The following NADK2 variants were observed in gnomAD, a reference collection of about 807,000 sequenced individuals.
The protein encoded by NADK2 is NAD kinase 2, mitochondrial.
NADK2 carries 35 observed loss-of-function variants against 62.1 expected under a neutral mutation model. That is an observed-to-expected ratio of 0.56 (90% CI 0.43 to 0.75). The LOEUF is 0.75. Ranked by LOEUF, NADK2 falls within the 30% of genes least tolerant of loss-of-function variation. The pLI is 0.00. For synonymous variants in NADK2, 205 were observed against 207.9 expected (o/e 0.99, Z 0.12); for missense variants, 439 against 561.3 (o/e 0.78, Z 2.20).
Position 36,195,021 on chromosome 5 carries a change from A to C in NADK2, c.*123T>G, listed in dbSNP as rs1324769754. 14 of 958,854 alleles carry C rather than the reference A, an allele frequency of 1.5e-5. No homozygotes were observed. Among genetic ancestry groups the C allele is most frequent in the Non-Finnish European group, 2.0e-5 (13 of 661,274 alleles). The allele number at this position is 958,854 out of a possible 1,614,324, so 59.4% of individuals were successfully genotyped here. ...CCAACAGAAGAATAATGCAAATCTC[A>C]CTTCTGAGCCCACGGGCAAGCAGTC... On this transcript the variant is annotated 3_prime_UTR_variant, in exon 12 of 12. Coordinates refer to ENST00000381937, the MANE Select transcript of NADK2 (RefSeq NM_001085411.3).
In NADK2 at chr5:36,197,800, A is replaced by C. The variant is rs1579593734; in HGVS notation, c.1067-136T>G. 7.9e-5 allele frequency: 53 copies of C among 669,900 alleles called. No individual in the cohort carries two copies. The East Asian group carries it at 1.6e-3, about 21-fold the overall frequency. 41.5% of individuals were successfully genotyped at this position (669,900 alleles called of 1,614,324 possible). The stretch of plus-strand genomic sequence containing the variant: ...TGGGAACAAGTTTCTTGAAACTCGT[A>C]ACACATATTCCATTAAAACACAGTA... On this transcript the variant is annotated intron_variant, in intron 10 of 11. Transcript: ENST00000381937.
At chr5:36,225,832 C>A (rs1261286566) in intron 3 of NADK2, among the ~76,000 whole-genome samples, 1 of 152,196 alleles carries the variant, frequency 6.6e-6, no homozygotes, top group Non-Finnish European at 1.5e-5. Flanking sequence ...TACATTTAGG[C>A]AGAATAATTC....
At chr5:36,221,097 C>T (rs1405262887) in intron 4 of NADK2, 1 of 152,194 alleles carries the variant, frequency 6.6e-6, no homozygotes, top group African/African-American at 2.4e-5. Flanking sequence ...TAAAGGGTAC[C>T]TAAATACTAG....
chr5:36,241,134 G>T lies in NADK2; in HGVS notation c.300+365C>A, dbSNP rs1312735757. 1.3e-5 allele frequency among the ~76,000 whole-genome samples: 2 copies of T among 152,168 alleles called. No individual in the cohort carries two copies. The highest frequency in any genetic ancestry group is 2.1e-4 in the South Asian group (1 of 4,836). On this transcript the variant is annotated intron_variant, in intron 1 of 11. Transcript: ENST00000381937. This position sits in a 1 kb window ranked among gnomAD's most constrained non-coding sequence, Gnocchi z 4.9. ...GCCACTGGCTCACTTTCTTGGAGTG[G>T]GTCCCAACCAGGGAACGAGGGCGGG...
chr5:36,200,482 G>A (rs1032491240), intron 9 of NADK2, among the ~76,000 whole-genome samples: 3 of 151,622 alleles, frequency 2.0e-5, no homozygotes, highest in South Asian at 4.2e-4. Context: ...GCCCCCCCTC[G>A]CCCTTATTAG....
intron 5 of NADK2, 96 bp from the exon 6 acceptor site, chr5:36,217,980 A>C: frequency 3.6e-6 from 4 of 1,115,924 alleles, no homozygotes; most frequent in Non-Finnish European, 5.0e-6. Context: ...GTTAATAAAA[A>C]CTAGTTACCA....
At chr5:36,219,866 G>A (rs1747199528) in intron 4 of NADK2, among the ~76,000 whole-genome samples, 187 bp from the exon 5 acceptor site, 1 of 152,142 alleles carries the variant, frequency 6.6e-6, no homozygotes, top group East Asian at 1.9e-4. Context: ...AGACCAGATA[G>A]AATTAGTAGT....
At chr5:36,217,476 A>C (rs762035572) in intron 6 of NADK2, among the ~76,000 whole-genome samples, 1 of 152,124 alleles carries the variant, frequency 6.6e-6, no homozygotes, top group South Asian at 2.1e-4. Flanking sequence ...AAGGCCAAGA[A>C]TCTTTTCTCA....
At chr5:36,219,166 T>C (rs1747156656) in intron 5 of NADK2, among the ~76,000 whole-genome samples, 2 of 152,356 alleles carry the variant, frequency 1.3e-5, no homozygotes, top group Middle Eastern at 3.4e-3. Flanking sequence ...GCTACTGTTA[T>C]ATCTATGGAG....
chr5:36,230,411 C>CCCAACACCTG (rs1339968883), intron 1 of NADK2, among the ~76,000 whole-genome samples: 1 of 152,250 alleles, frequency 6.6e-6, no homozygotes, highest in Non-Finnish European at 1.5e-5. Flanking sequence ...ATTACTCCAT[C>CCCAACACCTG]CCAACACCTG....
chr5:36,225,976 G>A (rs1482203497), intron 3 of NADK2, among the ~76,000 whole-genome samples: 3 of 152,080 alleles, frequency 2.0e-5, no homozygotes, highest in African/African-American at 7.2e-5. Flanking sequence ...CATAACACCA[G>A]TCCAAATTCA....
chr5:36,233,827 T>C (rs541379141), intron 1 of NADK2, among the ~76,000 whole-genome samples: 1 of 152,276 alleles, frequency 6.6e-6, no homozygotes, highest in East Asian at 1.9e-4. Flanking sequence ...TTCACGCAAG[T>C]CTTGCTGTTC....
intron 1 of NADK2, among the ~76,000 whole-genome samples, chr5:36,231,819 A>G (rs1747719701): frequency 6.6e-6 from 1 of 152,230 alleles, no homozygotes; most frequent in Non-Finnish European, 1.5e-5. Context: ...TTAAAAGGTT[A>G]GAGAAATTAC....
chr5:36,226,616 C>A, intron 2 of NADK2, 53 bp from the exon 3 acceptor site: 1 of 1,272,538 alleles, frequency 7.9e-7, no homozygotes, highest in African/African-American at 1.5e-5. Context: ...ATATATATAA[C>A]AGGGGTATGT....
intron 8 of NADK2, among the ~76,000 whole-genome samples, chr5:36,204,131 T>C (rs987580090): frequency 2.6e-5 from 4 of 152,174 alleles, no homozygotes; most frequent in African/African-American, 9.7e-5. Flanking sequence ...TCTTCCAGGA[T>C]TTCTAAAAGG....
intron 1 of NADK2, among the ~76,000 whole-genome samples, chr5:36,228,386 T>A (rs1352768804): frequency 6.6e-6 from 1 of 152,168 alleles, no homozygotes; most frequent in Non-Finnish European, 1.5e-5. Flanking sequence ...ATTTGTACTT[T>A]CTTTGCTCCT....
At chr5:36,240,542 A>G (rs763933175) in intron 1 of NADK2, among the ~76,000 whole-genome samples, 2 of 152,162 alleles carry the variant, frequency 1.3e-5, no homozygotes, top group African/African-American at 2.4e-5. Context: ...GATTTCCAAT[A>G]TATTTTTCTG....
intron 1 of NADK2, among the ~76,000 whole-genome samples, chr5:36,240,425 A>G (rs1435882995): frequency 2.6e-5 from 4 of 152,248 alleles, no homozygotes; most frequent in Non-Finnish European, 4.4e-5. Context: ...AGATCACACG[A>G]TACCAGAAGT....
At position 36,203,122 on chromosome 5, in the gene NADK2, G is replaced by A. The variant is rs115209517; in HGVS notation, c.957-1961C>T. ...CAGATAGGTTTAAAATTTAAATCAC[G>A]ACTTCACCATTTATTAGCCACATAG... On this transcript the variant is annotated intron_variant, in intron 8 of 11. Transcript: ENST00000381937. 8.5e-3 allele frequency among the ~76,000 whole-genome samples: 1,286 copies of A among 152,078 alleles called. 19 individuals are homozygous for A. Among genetic ancestry groups the A allele is most frequent in the African/African-American group, 0.03 (1,231 of 41,490 alleles).
Sources: gnomAD v4.1 joint callset for allele counts (sites outside exome capture counted in the v4.1 genomes callset) on GRCh38, gnomAD v4.1.1 for gene constraint, Gnocchi (gnomAD v3.1) non-coding constraint, MANE v1.5 for transcripts, NCBI Gene and HGNC (gene_info 2026-07-23, HGNC 2026-07-21) for gene names.